The following CHST11 variants were observed in gnomAD, a reference collection of about 807,000 sequenced individuals.
CHST11 encodes carbohydrate sulfotransferase 11, also known as C4S-1.
A neutral mutation model predicts 30.4 loss-of-function variants in CHST11; 9 were observed. The observed-to-expected ratio is 0.30, with a 90% CI of 0.18 to 0.52. The LOEUF is 0.52. Ranked by LOEUF, CHST11 falls within the 20% of genes least tolerant of loss-of-function variation. The pLI is 0.97. For missense variants in CHST11, 348 were observed against 460.6 expected (o/e 0.76, Z 2.24); for synonymous variants, 152 against 187.8 (o/e 0.81, Z 1.56).
chr12:104,457,790 T>C (rs1045856072), intron 1 of CHST11, among the ~76,000 whole-genome samples: 2 of 148,052 alleles, frequency 1.4e-5, no homozygotes. Context: ...CGGTAGTTTT[T>C]TTTTTTTTTT....
At chr12:104,544,551 A>G (rs1407976565) in intron 1 of CHST11, among the ~76,000 whole-genome samples, 1 of 152,002 alleles carries the variant, frequency 6.6e-6, no homozygotes, top group Non-Finnish European at 1.5e-5. Context: ...TACTAAAAAT[A>G]CAAAAATTAG....
chr12:104,497,835 C>T (rs1414802590), intron 1 of CHST11, among the ~76,000 whole-genome samples: 1 of 151,462 alleles, frequency 6.6e-6, no homozygotes, highest in Non-Finnish European at 1.5e-5. Flanking sequence ...TGATTACATG[C>T]AGACAGGTGC....
intron 2 of CHST11, among the ~76,000 whole-genome samples, chr12:104,674,049 G>A (rs2039719008): frequency 6.6e-6 from 1 of 152,196 alleles, no homozygotes; most frequent in African/African-American, 2.4e-5. Flanking sequence ...TTCCTCCCCT[G>A]AGTCTGATTT....
intron 1 of CHST11, among the ~76,000 whole-genome samples, chr12:104,539,739 A>G (rs561867733): frequency 6.6e-6 from 1 of 152,342 alleles, no homozygotes; most frequent in South Asian, 2.1e-4. Flanking sequence ...ATCTAAATAC[A>G]GTCGTCCTTT....
chr12:104,538,579 C>A (rs1020254278), intron 1 of CHST11, among the ~76,000 whole-genome samples: 1 of 152,098 alleles, frequency 6.6e-6, no homozygotes, highest in African/African-American at 2.4e-5. Context: ...CCATCCATAC[C>A]TTTTTTCAAC....
intron 1 of CHST11, among the ~76,000 whole-genome samples, chr12:104,559,782 A>T (rs1203250536): frequency 6.6e-6 from 1 of 152,172 alleles, no homozygotes; most frequent in African/African-American, 2.4e-5. Context: ...AAATAAACAC[A>T]TGCATGGTAA....
chr12:104,520,625 G>T (rs993173855), intron 1 of CHST11, among the ~76,000 whole-genome samples: 1 of 152,170 alleles, frequency 6.6e-6, no homozygotes, highest in Non-Finnish European at 1.5e-5. Flanking sequence ...TCACTCATAG[G>T]ATCTTCTTCC....
intron 2 of CHST11, among the ~76,000 whole-genome samples, chr12:104,647,685 A>AT (rs1350939559): frequency 6.6e-6 from 1 of 152,156 alleles, no homozygotes; most frequent in Non-Finnish European, 1.5e-5. Flanking sequence ...GGTATGCTCT[A>AT]TCCCCCCAAA....
intron 2 of CHST11, among the ~76,000 whole-genome samples, chr12:104,725,381 C>T (rs950326762): frequency 6.6e-5 from 10 of 152,100 alleles, no homozygotes; most frequent in South Asian, 2.1e-4. Context: ...CCAGCCTGGT[C>T]GTATGGGTTC....
intron 2 of CHST11, among the ~76,000 whole-genome samples, chr12:104,725,672 G>A (rs2040211698): frequency 6.6e-6 from 1 of 151,972 alleles, no homozygotes; most frequent in Non-Finnish European, 1.5e-5. Flanking sequence ...CCCTAACTCA[G>A]GGGCACATAG....
chr12:104,570,884 T>G (rs991008880), intron 1 of CHST11, among the ~76,000 whole-genome samples: 1 of 152,100 alleles, frequency 6.6e-6, no homozygotes, highest in East Asian at 1.9e-4. Context: ...AGAGACGGAG[T>G]TTCGCCATGT....
intron 1 of CHST11, among the ~76,000 whole-genome samples, chr12:104,586,413 G>A (rs982329827): frequency 6.6e-6 from 1 of 152,256 alleles, no homozygotes; most frequent in Non-Finnish European, 1.5e-5. Flanking sequence ...CAGTCAGACT[G>A]TGTGAAGACT....
intron 1 of CHST11, among the ~76,000 whole-genome samples, chr12:104,481,331 C>T (rs1435891095): frequency 6.6e-6 from 1 of 152,160 alleles, no homozygotes; most frequent in Non-Finnish European, 1.5e-5. Flanking sequence ...CTTGCCGTTC[C>T]CTGTGCTTGG....
intron 1 of CHST11, among the ~76,000 whole-genome samples, chr12:104,497,938 A>G (rs1250706985): frequency 3.6e-5 from 3 of 82,206 alleles, no homozygotes; most frequent in South Asian, 3.4e-4. Flanking sequence ...TTTTTTTGAG[A>G]CAGAGTCTCA....
intron 1 of CHST11, among the ~76,000 whole-genome samples, chr12:104,470,477 T>C (rs1327045808): frequency 6.6e-6 from 1 of 152,152 alleles, no homozygotes; most frequent in African/African-American, 2.4e-5. Context: ...TAACTCCACT[T>C]GGTCCTGCCC....
chr12:104,747,889 T>C (rs2040400743), intron 2 of CHST11, among the ~76,000 whole-genome samples: 1 of 152,212 alleles, frequency 6.6e-6, no homozygotes, highest in African/African-American at 2.4e-5. Flanking sequence ...AACGCTGCAG[T>C]AATGTTTTAA....
rs187043144 is a variant in CHST11 at position 104,695,841 on chromosome 12, G to A, written c.205-61108G>A. Among the ~76,000 whole-genome samples the A allele has an allele frequency of 5.3e-5, 8 of 152,214 alleles. No individual in the cohort carries two copies. In the East Asian group the frequency reaches 9.6e-4, roughly 18 times the overall value. On this transcript the variant is annotated intron_variant, in intron 2 of 2. Transcript: ENST00000303694. ...AGTAACTTGGACGTGACGCTTCACC[G>A]TGAAGTCACACTCCTGGCCTGCTGG...
intron 1 of CHST11, among the ~76,000 whole-genome samples, chr12:104,459,284 C>T (rs1379526807): frequency 6.6e-6 from 1 of 152,156 alleles, no homozygotes; most frequent in African/African-American, 2.4e-5. Flanking sequence ...TGCCAAGCTC[C>T]AGGGCCCACC....
At chr12:104,464,883 G>A (rs1299476755) in intron 1 of CHST11, among the ~76,000 whole-genome samples, 2 of 152,188 alleles carry the variant, frequency 1.3e-5, no homozygotes, top group East Asian at 1.9e-4. Flanking sequence ...TGGAAGACCC[G>A]AGTCCTAGTC....
Sources: allele counts gnomAD v4.1 joint callset (sites outside exome capture counted in the v4.1 genomes callset), GRCh38; gene constraint gnomAD v4.1.1; transcripts MANE v1.5; gene names NCBI Gene and HGNC (gene_info 2026-07-23, HGNC 2026-07-21).